MARCHF1: variants seen among roughly 807,000 people sequenced by gnomAD.
MARCHF1 encodes the protein E3 ubiquitin-protein ligase MARCHF1.
In MARCHF1, 40 loss-of-function variants were observed where a neutral mutation model predicts 54.2. The observed-to-expected ratio is 0.74, with a 90% CI of 0.57 to 0.96. The LOEUF is 0.96. Ranked by LOEUF, MARCHF1 falls within the 40% of genes least tolerant of loss-of-function variation. The pLI is 0.00. For missense variants in MARCHF1, 586 were observed against 656.5 expected (o/e 0.89, Z 1.17); for synonymous variants, 236 against 236.3 (o/e 1.00, Z 0.01).
chr4:164,231,003 A>T (rs1560964639), intron 1 of MARCHF1, among the ~76,000 whole-genome samples: 1 of 152,158 alleles, frequency 6.6e-6, no homozygotes, highest in Non-Finnish European at 1.5e-5. Context: ...CAAATGCTCA[A>T]GAAATCCTTT....
intron 1 of MARCHF1, among the ~76,000 whole-genome samples, chr4:164,286,915 T>TCC (rs1734165007): frequency 6.7e-6 from 1 of 149,848 alleles, no homozygotes; most frequent in Admixed American, 6.6e-5. Flanking sequence ...AGGCAAAGAT[T>TCC]ACATCCATGC....
intron 3 of MARCHF1, 30 bp from the exon 4 acceptor site, chr4:163,854,199 G>T: frequency 7.0e-7 from 1 of 1,438,632 alleles, no homozygotes; most frequent in Non-Finnish European, 9.2e-7. Flanking sequence ...CCTGAAACAG[G>T]TCACTTATTT....
chr4:164,204,473 C>G (rs1038795570), intron 1 of MARCHF1, among the ~76,000 whole-genome samples: 3 of 152,106 alleles, frequency 2.0e-5, no homozygotes, highest in Non-Finnish European at 4.4e-5. Context: ...ATAATATGAG[C>G]TTTTTACATT....
chr4:163,987,567 G>A (rs1478918952), intron 3 of MARCHF1, among the ~76,000 whole-genome samples: 4 of 151,658 alleles, frequency 2.6e-5, no homozygotes, highest in African/African-American at 9.7e-5. Context: ...CTATTCTTGA[G>A]GGAAAAAAAA....
intron 1 of MARCHF1, chr4:164,197,744 G>A (rs752491807): frequency 3.1e-6 from 5 of 1,610,778 alleles, no homozygotes; most frequent in Non-Finnish European, 4.2e-6. Context: ...AGGCTCTCGT[G>A]CCAGCCGAAT....
chr4:163,626,116 T>G (rs1336984653), intron 5 of MARCHF1, among the ~76,000 whole-genome samples: 1 of 152,194 alleles, frequency 6.6e-6, no homozygotes, highest in Non-Finnish European at 1.5e-5. Flanking sequence ...CATTGTACAG[T>G]GCATTCAAAT....
intron 1 of MARCHF1, among the ~76,000 whole-genome samples, chr4:164,182,635 A>T (rs1044016672): frequency 3.9e-5 from 6 of 151,962 alleles, no homozygotes; most frequent in Non-Finnish European, 7.4e-5. Flanking sequence ...AAGAAAAACC[A>T]GTTACAATAC....
intron 4 of MARCHF1, among the ~76,000 whole-genome samples, chr4:163,743,577 C>CTTT (rs34675962): frequency 7.3e-5 from 9 of 122,656 alleles, no homozygotes; most frequent in Non-Finnish European, 1.0e-4. Context: ...GATACACCAT[C>CTTT]TTTTTTTTTT....
rs72689983 is a variant in MARCHF1 at position 164,098,038 on chromosome 4, G to A, written c.-248+13550C>T. 1.0e-2 allele frequency among the ~76,000 whole-genome samples: 1,518 copies of A among 152,204 alleles called. 17 individuals carry two copies. The highest frequency in any genetic ancestry group is 0.014 in the Non-Finnish European group (969 of 68,008). ...TTATGGGCACTAGCTTCTACCATGG[G>A]ATATCTTTATCATTAAGGTAGAAAG... On this transcript the variant is annotated intron_variant, in intron 2 of 9. Coordinates refer to ENST00000514618, the MANE Select transcript of MARCHF1 (RefSeq NM_001394959.1).
intron 4 of MARCHF1, among the ~76,000 whole-genome samples, chr4:163,765,628 G>A (rs1579268359): frequency 6.6e-6 from 1 of 151,802 alleles, no homozygotes; most frequent in Middle Eastern, 3.2e-3. Flanking sequence ...TATATAGAGA[G>A]AAATACGTAT....
chr4:163,637,367 C>A (rs1324189835), intron 5 of MARCHF1, among the ~76,000 whole-genome samples: 1 of 151,928 alleles, frequency 6.6e-6, no homozygotes, highest in African/African-American at 2.4e-5. Flanking sequence ...GGCTAATAGC[C>A]AGAATCTACA....
At chr4:163,928,398 T>A (rs1751584513) in intron 3 of MARCHF1, among the ~76,000 whole-genome samples, 1 of 151,794 alleles carries the variant, frequency 6.6e-6, no homozygotes, top group Non-Finnish European at 1.5e-5. Flanking sequence ...AGACAATGGA[T>A]AGGGAAGAAG....
At chr4:163,917,754 A>G (rs758059790) in intron 3 of MARCHF1, among the ~76,000 whole-genome samples, 2 of 152,026 alleles carry the variant, frequency 1.3e-5, no homozygotes, top group East Asian at 1.9e-4. Context: ...TCCATTAGCT[A>G]TTCTTCCTGA....
At chr4:163,851,599 C>A (rs750797807) in intron 4 of MARCHF1, among the ~76,000 whole-genome samples, 1 of 152,034 alleles carries the variant, frequency 6.6e-6, no homozygotes, top group Admixed American at 6.6e-5. Flanking sequence ...GAGTAATAAT[C>A]TCTTTTCTGG....
chr4:164,308,225 G>A (rs1042962199), intron 1 of MARCHF1, among the ~76,000 whole-genome samples: 77 of 152,148 alleles, frequency 5.1e-4, no homozygotes, highest in African/African-American at 1.8e-3. Context: ...ACATAATTCA[G>A]AGGGTCTTGA....
At chr4:163,909,013 A>G (rs1751132342) in intron 3 of MARCHF1, among the ~76,000 whole-genome samples, 1 of 152,190 alleles carries the variant, frequency 6.6e-6, no homozygotes. Flanking sequence ...ATATAACATT[A>G]GGAAAAGAAA....
chr4:164,021,961 T>A (rs1753676134), intron 2 of MARCHF1, among the ~76,000 whole-genome samples: 1 of 152,060 alleles, frequency 6.6e-6, no homozygotes, highest in South Asian at 2.1e-4. Context: ...GAAATCCAAA[T>A]GTTCAGCAAC....
chr4:163,931,235 T>C (rs1054847304), intron 3 of MARCHF1, among the ~76,000 whole-genome samples: 1 of 152,198 alleles, frequency 6.6e-6, no homozygotes, highest in Non-Finnish European at 1.5e-5. Flanking sequence ...GTTGTTTAAG[T>C]CACCCTGTCT....
At chr4:163,938,000 C>T (rs1414827583) in intron 3 of MARCHF1, among the ~76,000 whole-genome samples, 1 of 152,070 alleles carries the variant, frequency 6.6e-6, no homozygotes, top group Non-Finnish European at 1.5e-5. Context: ...ACATATTTTC[C>T]ATTATATAAG....
Sources: allele counts gnomAD v4.1 joint callset (sites outside exome capture counted in the v4.1 genomes callset), GRCh38; gene constraint gnomAD v4.1.1; transcripts MANE v1.5; gene names NCBI Gene and HGNC (gene_info 2026-07-23, HGNC 2026-07-21).